Variants in RAB2B observed in about 807,000 individuals in gnomAD.
RAB2B encodes RAB2B, member RAS oncogene family.
RAB2B carries 20 observed loss-of-function variants against 29.8 expected under a neutral mutation model. The ratio of observed to expected loss-of-function variants is 0.67; its 90% confidence interval spans 0.47 to 0.97. The LOEUF (loss-of-function observed/expected upper bound fraction) is 0.97. Ranked by LOEUF, RAB2B falls within the 50% of genes least tolerant of loss-of-function variation. The probability of loss-of-function intolerance (pLI) is 0.00; values close to 1 mark genes in which losing one functional copy is unlikely to be tolerated. For missense variants in RAB2B, 218 were observed against 272.0 expected (o/e 0.80, Z 1.40); for synonymous variants, 93 against 91.7 (o/e 1.01, Z -0.08).
rs781651824 is a variant in RAB2B, at chr14:21,461,286, A to G, written c.561T>C (p.Ile187=). The change falls in exon 8 of 8, where the codon ATT becomes ATC. Residue 187 remains isoleucine, a synonymous_variant. Transcript: ENST00000397762. ...ATGTTGAAATTGACTGTTGGGGCCC[A>G]ATCTTGATGCCATTTGCCTGTAAAA... The part of the protein sequence containing the change: ...DVHNEANGIK[I]GPQQSISTSV... The G allele has an allele frequency of 6.2e-7, 1 of 1,613,230 alleles. No individual in the cohort carries two copies. Among genetic ancestry groups the G allele is most frequent in the East Asian group, 2.2e-5 (1 of 44,798 alleles).
chr14:21,462,737 G>T (rs1310175806), intron 6 of RAB2B, among the ~76,000 whole-genome samples: 2 of 150,998 alleles, frequency 1.3e-5, no homozygotes, highest in African/African-American at 4.9e-5. Flanking sequence ...TTACTCGGGG[G>T]CCAAGGCACG....
At position 21,459,578 on chromosome 14, in the gene RAB2B, A is replaced by T. The variant is rs1890490402; in HGVS notation, c.*1618T>A. On this transcript the variant is annotated 3_prime_UTR_variant, in exon 8 of 8. Transcript: ENST00000397762. ...CAAGGAGCTTACAACTTATACGGAA[A>T]GACAAGATTCCACACAAAAACAACT... 2 of 152,262 alleles carry T rather than the reference A, an allele frequency of 1.3e-5. No individual in the cohort carries two copies. The highest frequency in any genetic ancestry group is 2.9e-5 in the Non-Finnish European group (2 of 68,066). The allele number at this position is 152,262 out of a possible 1,614,324, so 9.4% of individuals were successfully genotyped here.
chr14:21,459,319 G>A lies in RAB2B; in HGVS notation c.*1877C>T, dbSNP rs1381053088. On this transcript the variant is annotated 3_prime_UTR_variant, in exon 8 of 8. Transcript: ENST00000397762. Reference sequence around the variant, plus strand: ...TGGAGGCAAAAAGCCAGGGAAAGGTGGGAGGGGAGAAGGAAGAGAACTGTA... The same window carrying A: ...TGGAGGCAAAAAGCCAGGGAAAGGTAGGAGGGGAGAAGGAAGAGAACTGTA... 4 of 152,194 alleles carry A rather than the reference G, an allele frequency of 2.6e-5. No individual in the cohort carries two copies. The highest frequency in any genetic ancestry group is 2.6e-4 in the Admixed American group (4 of 15,272). 9.4% of individuals were successfully genotyped at this position (152,194 alleles called of 1,614,324 possible).
At chr14:21,472,878 G>GT (rs200145759) in intron 3 of RAB2B, among the ~76,000 whole-genome samples, 1 of 151,832 alleles carries the variant, frequency 6.6e-6, no homozygotes, top group Admixed American at 6.6e-5. Context: ...CACTTATTGG[G>GT]TTTTTTTCCC....
rs1890529198 is a variant in RAB2B at position 21,460,635 on chromosome 14, C to CA, written c.*560dup. On this transcript the variant is annotated 3_prime_UTR_variant, in exon 8 of 8. Coordinates refer to ENST00000397762, the MANE Select transcript of RAB2B (RefSeq NM_032846.4). ...AAAAAAATTATTTATTTATTTGAGA[C>CA]AGAGTTTTGCTCTTGTTGCCCAGGC... 6.6e-6 allele frequency: 1 copy of CA among 150,410 alleles called. No individual in the cohort carries two copies. 9.3% of individuals were successfully genotyped at this position (150,410 alleles called of 1,614,324 possible). A position where few individuals can be genotyped will look rare whatever the true frequency, so the allele number is the denominator to read the frequency against.
At position 21,460,478 on chromosome 14, in the gene RAB2B, G is replaced by T. The variant is rs978226742; in HGVS notation, c.*718C>A. On this transcript the variant is annotated 3_prime_UTR_variant, in exon 8 of 8. Coordinates refer to ENST00000397762, the MANE Select transcript of RAB2B (RefSeq NM_032846.4). ...CACATGCCTGTAGTCCCAGCTACTC[G>T]GGAGGTTGAGGCAGGAGAACTGCTT... 1 of 303,962 alleles carries T rather than the reference G, an allele frequency of 3.3e-6. No homozygotes were observed. Among genetic ancestry groups the T allele is most frequent in the Non-Finnish European group, 6.6e-6 (1 of 152,136 alleles). 18.8% of individuals were successfully genotyped at this position (303,962 alleles called of 1,614,324 possible).
At chr14:21,462,236 A>C in intron 7 of RAB2B, 114 bp downstream of exon 7, 1 of 643,276 alleles carries the variant, frequency 1.6e-6, no homozygotes, top group Non-Finnish European at 2.5e-6. Flanking sequence ...GAATTGGCAG[A>C]GCTTTTAAAT....
At chr14:21,463,499 G>C (rs1890615457) in intron 6 of RAB2B, among the ~76,000 whole-genome samples, 157 bp downstream of exon 6, 1 of 152,006 alleles carries the variant, frequency 6.6e-6, no homozygotes, top group Non-Finnish European at 1.5e-5. Context: ...TGCCTGCCTT[G>C]GCCTCCCAAA....
Position 21,460,969 on chromosome 14 carries a change from A to C in RAB2B, c.*227T>G, listed in dbSNP as rs1890539664. 4 of 338,724 alleles carry C rather than the reference A, an allele frequency of 1.2e-5. No homozygotes were observed. Among genetic ancestry groups the C allele is most frequent in the Non-Finnish European group, 2.1e-5 (4 of 187,550 alleles). The allele number at this position is 338,724 out of a possible 1,614,324, so 21.0% of individuals were successfully genotyped here. A position where few individuals can be genotyped will look rare whatever the true frequency, so the allele number is the denominator to read the frequency against. ...AACTTTGATCCTAACAATTTAAGAA[A>C]TTTGTATAGGAGGATAAGAAGAACC... On this transcript the variant is annotated 3_prime_UTR_variant, in exon 8 of 8. Transcript: ENST00000397762.
At chr14:21,473,826 C>G (rs187323727) in intron 3 of RAB2B, among the ~76,000 whole-genome samples, 126 of 152,172 alleles carry the variant, frequency 8.3e-4, no homozygotes, top group African/African-American at 2.9e-3. Flanking sequence ...TGCTGGCTAA[C>G]ACGGTGAAAC....
In RAB2B at chr14:21,463,700, TA is replaced by T. The variant is rs1176668124; in HGVS notation, c.429del (p.Ile144TyrfsTer66). 2.5e-6 allele frequency: 4 copies of T among 1,614,090 alleles called. No individual in the cohort carries two copies. The highest frequency in any genetic ancestry group is 8.5e-7 in the Non-Finnish European group (1 of 1,179,960). On this transcript the variant is annotated frameshift_variant, in exon 6 of 8. Coordinates refer to ENST00000397762, the MANE Select transcript of RAB2B (RefSeq NM_032846.4). LOFTEE classifies it high-confidence loss of function. ...GTTTTGGCTGAAGTTTCCATGAATA[TA>T]AGTCCATGCTCCCTAGCAAAGGCCT... Reference protein sequence around the residue: ...EGEAFAREHGLIFMETSAKTA... With the variant: ...EGEAFAREHGXIFMETSAKTA...
rs190953936 is a variant in RAB2B at position 21,462,878 on chromosome 14, G to A, written c.475-460C>T. Among the ~76,000 whole-genome samples the A allele has an allele frequency of 4.2e-3, 603 of 145,040 alleles. 3 individuals carry two copies. The highest frequency in any genetic ancestry group is 0.014 in the African/African-American group (565 of 39,222). On this transcript the variant is annotated intron_variant, in intron 6 of 7. Transcript: ENST00000397762. ...AAAATCAAAAAAGAAAAAAAACATA[G>A]AAGGTCCCCCAAATGTCCTTGTAAA...
chr14:21,476,952 C>A lies in RAB2B; in HGVS notation c.-80G>T. ...CGACCTCTCTAGCCACTCAATCTAC[C>A]GATCTTCTTCTTCTCCCCCTTCCCC... On this transcript the variant is annotated 5_prime_UTR_variant, in exon 1 of 8. Transcript: ENST00000397762. 1 of 1,477,070 alleles carries A rather than the reference C, an allele frequency of 6.8e-7. No individual in the cohort carries two copies. Among genetic ancestry groups the A allele is most frequent in the Non-Finnish European group, 9.4e-7 (1 of 1,060,728 alleles). 91.5% of individuals were successfully genotyped at this position (1,477,070 alleles called of 1,614,324 possible).
chr14:21,463,163 C>A (rs1276207285), intron 6 of RAB2B, among the ~76,000 whole-genome samples: 1 of 151,910 alleles, frequency 6.6e-6, no homozygotes, highest in Non-Finnish European at 1.5e-5. Flanking sequence ...AAAAGTAAAA[C>A]CTTGGGAATC....
Position 21,476,900 on chromosome 14 carries a change from C to G in RAB2B, c.-28G>C. 3 of 1,612,562 alleles carry G rather than the reference C, an allele frequency of 1.9e-6. No individual in the cohort carries two copies. The highest frequency in any genetic ancestry group is 2.5e-6 in the Non-Finnish European group (3 of 1,179,740). ...TGTCGCGTCCTCTGGGTTCCGGGTC[C>G]GCCCGACTTCTATAGCCACTTACCT... On this transcript the variant is annotated 5_prime_UTR_variant, in exon 1 of 8. Coordinates refer to ENST00000397762, the MANE Select transcript of RAB2B (RefSeq NM_032846.4).
chr14:21,465,120 A>G (rs528148544), intron 5 of RAB2B, among the ~76,000 whole-genome samples: 2 of 152,312 alleles, frequency 1.3e-5, no homozygotes, highest in African/African-American at 4.8e-5. Flanking sequence ...AACTCCTTGG[A>G]AAAAAAGTGT....
chr14:21,473,347 T>G (rs536792968), intron 3 of RAB2B, among the ~76,000 whole-genome samples: 2 of 152,334 alleles, frequency 1.3e-5, no homozygotes, highest in African/African-American at 4.8e-5. Context: ...ACTAGCTCCC[T>G]TTAACTAGAA....
At position 21,462,462 on chromosome 14, in the gene RAB2B, G is replaced by A. The variant is rs769543758; in HGVS notation, c.475-44C>T. 3.4e-6 allele frequency: 5 copies of A among 1,473,648 alleles called. No homozygotes were observed. In the Admixed American group the frequency reaches 8.9e-5, roughly 26 times the overall value. The allele number at this position is 1,473,648 out of a possible 1,614,324, so 91.3% of individuals were successfully genotyped here. On this transcript the variant is annotated intron_variant, in intron 6 of 7. Coordinates refer to ENST00000397762, the MANE Select transcript of RAB2B (RefSeq NM_032846.4). ...GTATCATCAGTCTCAAGTTCAGGTA[G>A]AGAAATGAGGGAAAGAGAATATTAA...
chr14:21,461,210 A>AG lies in RAB2B; in HGVS notation c.636dup (p.Ser213LeufsTer18). The AG allele has an allele frequency of 6.2e-7, 1 of 1,612,838 alleles. No individual in the cohort carries two copies. Among genetic ancestry groups the AG allele is most frequent in the Non-Finnish European group, 8.5e-7 (1 of 1,179,192 alleles). ...AAGCCAGATGTTCAGCAGCAGCCAG[A>AG]GTTGGACCCTATGTCACGAGAGTTC... On this transcript the variant is annotated frameshift_variant, in exon 8 of 8. Coordinates refer to ENST00000397762, the MANE Select transcript of RAB2B (RefSeq NM_032846.4). LOFTEE classifies it high-confidence loss of function.
Sources: allele counts gnomAD v4.1 joint callset (sites outside exome capture counted in the v4.1 genomes callset), GRCh38; gene constraint gnomAD v4.1.1; transcripts MANE v1.5; gene names NCBI Gene and HGNC (gene_info 2026-07-23, HGNC 2026-07-21).